The following IRAK2 variants were observed in gnomAD, a reference collection of about 807,000 sequenced individuals.
IRAK2 encodes the protein interleukin 1 receptor associated kinase 2.
In IRAK2, 57 loss-of-function variants were observed where a neutral mutation model predicts 72.0. The ratio of observed to expected loss-of-function variants is 0.79; its 90% confidence interval spans 0.64 to 0.99. The LOEUF is 0.99. Ranked by LOEUF, IRAK2 falls within the 50% of genes least tolerant of loss-of-function variation. IRAK2 has a pLI of 0.00. For missense variants in IRAK2, 790 were observed against 794.4 expected (o/e 0.99, Z 0.07); for synonymous variants, 293 against 312.7 (o/e 0.94, Z 0.67).
intron 9 of IRAK2, 106 bp downstream of exon 9, chr3:10,222,937 C>T: frequency 2.0e-6 from 2 of 1,022,450 alleles, no homozygotes; most frequent in Non-Finnish European, 2.9e-6. Context: ...CAGGTTCCAT[C>T]AAAGTACAAC....
chr3:10,196,734 C>G (rs1356379451), intron 2 of IRAK2, among the ~76,000 whole-genome samples: 8 of 152,312 alleles, frequency 5.3e-5, no homozygotes, highest in Middle Eastern at 3.4e-3. Context: ...TTGGGCAGGT[C>G]TTGTTCCCCG....
intron 7 of IRAK2, among the ~76,000 whole-genome samples, chr3:10,218,089 C>T (rs1242276838): frequency 1.3e-5 from 2 of 151,918 alleles, no homozygotes; most frequent in Admixed American, 1.3e-4. Flanking sequence ...GCTGTCCAGG[C>T]CAGTTCTTAG....
Position 10,213,408 on chromosome 3 carries a change from A to C in IRAK2, c.723+7A>C. 1 of 1,613,760 alleles carries C rather than the reference A, an allele frequency of 6.2e-7. No homozygotes were observed. The highest frequency in any genetic ancestry group is 8.5e-7 in the Non-Finnish European group (1 of 1,179,806). On this transcript the variant is annotated splice_region_variant and intron_variant, in intron 5 of 12. Transcript: ENST00000256458. ...CTTCAAGAAGCTCAGAGAGGTGAGC[A>C]CTTCTTGGTTTCTAGTGGGGGTGGA...
In IRAK2 at chr3:10,192,023, AGTGTGTGT is replaced by A. The variant is rs56802078; in HGVS notation, c.278-8315_278-8308del. Among the ~76,000 whole-genome samples, 75 of 135,794 alleles carry A rather than the reference AGTGTGTGT, an allele frequency of 5.5e-4. No homozygotes were observed. The South Asian group carries it at 9.7e-3, about 18-fold the overall frequency. 89.1% of individuals were successfully genotyped at this position (135,794 alleles called of 152,430 possible). ...CATTTCAGGTCTAGCTTGAGTTGGG[AGTGTGTGT>A]GTGTGTGTGTGTGTGTGTGTGTGTG... On this transcript the variant is annotated intron_variant, in intron 2 of 12. Transcript: ENST00000256458.
Position 10,232,239 on chromosome 3 carries a change from C to T in IRAK2, c.1273-2220C>T, listed in dbSNP as rs527468970. On this transcript the variant is annotated intron_variant, in intron 10 of 12. Coordinates refer to ENST00000256458, the MANE Select transcript of IRAK2 (RefSeq NM_001570.4). ...GACTAGGTCATTTGCCCTATGTAGA[C>T]AGACTGTCTCACATTCTGGGTTTTG... is the stretch of plus-strand genomic sequence containing the variant. Among the ~76,000 whole-genome samples the T allele has an allele frequency of 4.6e-5, 7 of 152,360 alleles. No individual in the cohort carries two copies. In the East Asian group the frequency reaches 1.3e-3, roughly 29 times the overall value.
At position 10,198,308 on chromosome 3, in the gene IRAK2, GTTA is replaced by G. The variant is rs200546860; in HGVS notation, c.278-2058_278-2056del. Among the ~76,000 whole-genome samples the G allele has an allele frequency of 3.4e-3, 520 of 152,382 alleles. 11 individuals carry two copies. The South Asian group carries it at 0.045, about 13-fold the overall frequency. ...TCACCCCCCGACATTCAGCCTTGTT[GTTA>G]TTTTTGTGCATTCCCGATGTCTCCC... On this transcript the variant is annotated intron_variant, in intron 2 of 12. Transcript: ENST00000256458.
intron 2 of IRAK2, among the ~76,000 whole-genome samples, chr3:10,195,314 T>C (rs911471113): frequency 2.0e-5 from 3 of 152,148 alleles, no homozygotes; most frequent in African/African-American, 7.2e-5. Flanking sequence ...CCCAGCACTT[T>C]GGGAGGACAA....
At position 10,213,367 on chromosome 3, in the gene IRAK2, A is replaced by G. The variant is rs1221706062; in HGVS notation, c.689A>G (p.His230Arg). 6.2e-7 allele frequency: 1 copy of G among 1,614,048 alleles called. No individual in the cohort carries two copies. The highest frequency in any genetic ancestry group is 1.3e-5 in the African/African-American group (1 of 74,930). Residue 230 changes from histidine to arginine, a missense_variant, in exon 5 of 13, where the codon CAC (histidine) becomes CGC (arginine). Physicochemically the swap from His to Arg is conservative, Grantham distance 29 (BLOSUM62 0). Transcript: ENST00000256458. ...TFADVYRGHRHGKPFVFKKLR... is the reference protein window; with the variant it reads ...TFADVYRGHRRGKPFVFKKLR... ...GCTGACGTCTACAGAGGGCACAGGC[A>G]CGGGAAGCCATTCGTCTTCAAGAAG...
In IRAK2 at chr3:10,181,240, C is replaced by T. The variant is rs575265503; in HGVS notation, c.277+3220C>T. Among the ~76,000 whole-genome samples, 185 of 152,202 alleles carry T rather than the reference C, an allele frequency of 1.2e-3. 2 individuals are homozygous for T. Among genetic ancestry groups the T allele is most frequent in the African/African-American group, 4.1e-3 (172 of 41,524 alleles). ...CCCTCCCTGCCCGGTGCTCCTGAGCCGCTGCCGTTCCTCTCCTTACATTCC... is the reference window on the plus strand; with the variant it reads ...CCCTCCCTGCCCGGTGCTCCTGAGCTGCTGCCGTTCCTCTCCTTACATTCC... On this transcript the variant is annotated intron_variant, in intron 2 of 12. Coordinates refer to ENST00000256458, the MANE Select transcript of IRAK2 (RefSeq NM_001570.4).
At chr3:10,224,854 G>C (rs533308318) in intron 9 of IRAK2, among the ~76,000 whole-genome samples, 5 of 147,650 alleles carry the variant, frequency 3.4e-5, no homozygotes, top group Non-Finnish European at 7.4e-5. Flanking sequence ...CCTGCCTCTG[G>C]TTGACTGATA....
chr3:10,208,081 C>T (rs1575974036), intron 3 of IRAK2, among the ~76,000 whole-genome samples: 1 of 151,054 alleles, frequency 6.6e-6, no homozygotes, highest in African/African-American at 2.4e-5. Flanking sequence ...CTAATGAGGC[C>T]GTCTGGTAGG....
chr3:10,232,718 C>T (rs1697878900), intron 10 of IRAK2, among the ~76,000 whole-genome samples: 1 of 151,916 alleles, frequency 6.6e-6, no homozygotes, highest in African/African-American at 2.4e-5. Context: ...AAATAATACA[C>T]TTCTACTGTT....
In IRAK2 at chr3:10,243,709, T is replaced by G. The variant is rs1314803841; in HGVS notation, c.*1481T>G. The G allele has an allele frequency of 6.6e-6, 1 of 151,802 alleles. No individual in the cohort carries two copies. Among genetic ancestry groups the G allele is most frequent in the Non-Finnish European group, 1.5e-5 (1 of 68,050 alleles). 9.4% of individuals were successfully genotyped at this position (151,802 alleles called of 1,614,324 possible). On this transcript the variant is annotated 3_prime_UTR_variant, in exon 13 of 13. Coordinates refer to ENST00000256458, the MANE Select transcript of IRAK2 (RefSeq NM_001570.4). ...CCTATTTAAAGTAATCTATAGTAATTTCTTTTTATATAATAAAAATATATT... is the reference window on the plus strand; with the variant it reads ...CCTATTTAAAGTAATCTATAGTAATGTCTTTTTATATAATAAAAATATATT...
In IRAK2 at chr3:10,219,682, T is replaced by C; in HGVS notation, c.906T>C (p.Gly302=). 6.2e-7 allele frequency: 1 copy of C among 1,612,266 alleles called. No homozygotes were observed. Among genetic ancestry groups the C allele is most frequent in the African/African-American group, 1.3e-5 (1 of 74,982 alleles). Residue 302 remains glycine (G), a splice_region_variant and synonymous_variant, in exon 8 of 13, where the codon GGT becomes GGC. Transcript: ENST00000256458. The stretch of plus-strand genomic sequence containing the variant: ...CCTCCTGCTTTTCTTTCTCTTAGGG[T>C]GGCTCGGACCCCCTCCCCTGGCCCC... ...GSLQDRLQGQ[G]GSDPLPWPQR...
intron 6 of IRAK2, among the ~76,000 whole-genome samples, chr3:10,215,284 C>G (rs1466573548): frequency 6.7e-6 from 1 of 150,252 alleles, no homozygotes; most frequent in African/African-American, 2.4e-5. Flanking sequence ...GTCCCAGCTA[C>G]TCAGGAGGCT....
chr3:10,233,891 T>C (rs1316814711), intron 10 of IRAK2, among the ~76,000 whole-genome samples: 8 of 152,112 alleles, frequency 5.3e-5, no homozygotes, highest in Non-Finnish European at 1.2e-4. Context: ...CGCTGTCACC[T>C]AGGCTGGAGT....
chr3:10,233,733 G>A (rs1392919268), intron 10 of IRAK2, among the ~76,000 whole-genome samples: 1 of 152,146 alleles, frequency 6.6e-6, no homozygotes, highest in Non-Finnish European at 1.5e-5. Context: ...ATAAATGGTA[G>A]CTATTATTAC....
intron 3 of IRAK2, among the ~76,000 whole-genome samples, chr3:10,201,806 G>A (rs1372107634): frequency 6.6e-6 from 1 of 152,208 alleles, no homozygotes; most frequent in African/African-American, 2.4e-5. Flanking sequence ...CCAAATCCAT[G>A]TAATCTCAGT....
chr3:10,172,914 C>T (rs1234618281), intron 1 of IRAK2, among the ~76,000 whole-genome samples: 1 of 150,870 alleles, frequency 6.6e-6, no homozygotes, highest in Non-Finnish European at 1.5e-5. Flanking sequence ...CTCCTGACCT[C>T]GTTATCCGCT....
Sources: allele counts gnomAD v4.1 joint callset (sites outside exome capture counted in the v4.1 genomes callset), GRCh38; gene constraint gnomAD v4.1.1; transcripts MANE v1.5; gene names NCBI Gene and HGNC (gene_info 2026-07-23, HGNC 2026-07-21).